DLGAP2: variants seen among roughly 807,000 people sequenced by gnomAD.
DLGAP2 encodes the protein DLG associated protein 2.
DLGAP2 carries 26 observed loss-of-function variants against 100.3 expected under a neutral mutation model. The observed-to-expected ratio is 0.26, with a 90% CI of 0.19 to 0.36. The LOEUF is 0.36. DLGAP2 is among the 10% of genes least tolerant of loss of function. The pLI is 1.00. For missense variants in DLGAP2, 1,858 were observed against 1,453.2 expected, an observed-to-expected ratio of 1.28 and a Z score of -4.53; for synonymous variants, 886 against 630.1, an observed-to-expected ratio of 1.41 and a Z score of -6.08.
chr8:1,242,214 G>A (rs1004952731), intron 2 of DLGAP2, among the ~76,000 whole-genome samples: 1 of 152,228 alleles, frequency 6.6e-6, no homozygotes, highest in Non-Finnish European at 1.5e-5. Context: ...TCTGGGAACT[G>A]AGGGCCTGAG....
chr8:1,499,218 A>G (rs1799637150), intron 3 of DLGAP2, among the ~76,000 whole-genome samples: 1 of 152,204 alleles, frequency 6.6e-6, no homozygotes, highest in Admixed American at 6.5e-5. Context: ...TGGCTTTGCT[A>G]AACTCCATGC....
intron 1 of DLGAP2, among the ~76,000 whole-genome samples, chr8:850,323 C>A (rs1159000631): frequency 1.3e-5 from 2 of 152,028 alleles, no homozygotes; most frequent in Admixed American, 6.5e-5. Flanking sequence ...ATTTTTTGAA[C>A]CTTCCACCTG....
chr8:906,674 G>C, intron 1 of DLGAP2, among the ~76,000 whole-genome samples: 1 of 152,260 alleles, frequency 6.6e-6, no homozygotes, highest in Admixed American at 6.5e-5. Flanking sequence ...GCCAGCACCT[G>C]ACCCCATGGT....
intron 2 of DLGAP2, among the ~76,000 whole-genome samples, chr8:1,076,293 G>A (rs1004829031): frequency 3.3e-5 from 5 of 152,212 alleles, no homozygotes; most frequent in African/African-American, 1.2e-4. Context: ...AGCCCCCGCC[G>A]GCTGTCCGCA....
chr8:1,245,332 A>G (rs1348377504), intron 2 of DLGAP2, among the ~76,000 whole-genome samples: 1 of 152,244 alleles, frequency 6.6e-6, no homozygotes, highest in Non-Finnish European at 1.5e-5. Context: ...AAAGATAGAA[A>G]CAACCCAGGT....
At chr8:1,321,374 C>T (rs1376316581) in intron 3 of DLGAP2, among the ~76,000 whole-genome samples, 3 of 149,822 alleles carry the variant, frequency 2.0e-5, no homozygotes, top group South Asian at 2.1e-4. Flanking sequence ...CATGTGCGTG[C>T]ATGTGTATCC....
At chr8:747,098 G>A (rs1820635204) in intron 1 of DLGAP2, among the ~76,000 whole-genome samples, 1 of 152,056 alleles carries the variant, frequency 6.6e-6, no homozygotes, top group African/African-American at 2.4e-5. Flanking sequence ...GTTCTCGGGG[G>A]GCTGGGGAGA....
At chr8:916,013 A>G (rs992798366) in intron 2 of DLGAP2, among the ~76,000 whole-genome samples, 4 of 150,174 alleles carry the variant, frequency 2.7e-5, no homozygotes, top group Non-Finnish European at 4.4e-5. Context: ...TGTGTTAACC[A>G]TGAGTCCTCC....
chr8:942,414 G>C (rs1799217619), intron 2 of DLGAP2, among the ~76,000 whole-genome samples: 1 of 152,240 alleles, frequency 6.6e-6, no homozygotes, highest in South Asian at 2.1e-4. Flanking sequence ...CTGGAGGAGA[G>C]AACAGAAAAC....
chr8:1,607,874 G>T (rs1796857603), intron 6 of DLGAP2, among the ~76,000 whole-genome samples: 1 of 150,432 alleles, frequency 6.6e-6, no homozygotes, highest in Non-Finnish European at 1.5e-5. Context: ...TCCCACACCT[G>T]GCTCGGAGGG....
intron 2 of DLGAP2, among the ~76,000 whole-genome samples, chr8:1,188,673 G>C (rs937630125): frequency 6.6e-6 from 1 of 152,098 alleles, no homozygotes. Flanking sequence ...CAGCACTCCG[G>C]GGGCAGGAAG....
At chr8:1,300,200 T>C (rs1185747765) in intron 3 of DLGAP2, 1 of 152,246 alleles carries the variant, frequency 6.6e-6, no homozygotes, top group Non-Finnish European at 1.5e-5. Flanking sequence ...AGCACCGTTA[T>C]ACGTGTGTGT....
chr8:1,383,631 A>G (rs993361170), intron 3 of DLGAP2, among the ~76,000 whole-genome samples: 3 of 152,184 alleles, frequency 2.0e-5, no homozygotes, highest in Non-Finnish European at 4.4e-5. Context: ...TCCCAATTCC[A>G]TGGTTCCCCT....
At chr8:1,604,984 C>G (rs931332440) in intron 6 of DLGAP2, among the ~76,000 whole-genome samples, 4 of 152,136 alleles carry the variant, frequency 2.6e-5, no homozygotes, top group Admixed American at 1.3e-4. Context: ...TGTGGTGTAA[C>G]AGGATAAAGA....
At position 973,380 on chromosome 8, in the gene DLGAP2, C is replaced by T. The variant is rs541037074; in HGVS notation, c.73+65414C>T. Among the ~76,000 whole-genome samples the T allele has an allele frequency of 3.1e-3, 467 of 152,128 alleles. 2 individuals carry two copies. Among genetic ancestry groups the T allele is most frequent in the African/African-American group, 0.011 (440 of 41,516 alleles). ...ACGGGGTGGCTGCCGGGCGGAGGGG[C>T]TCCTCACTTCTCAGACGGGGCGGCC... On this transcript the variant is annotated intron_variant, in intron 2 of 14. Coordinates refer to ENST00000637795, the MANE Select transcript of DLGAP2 (RefSeq NM_001346810.2).
chr8:865,158 C>T (rs1797470653), intron 1 of DLGAP2, among the ~76,000 whole-genome samples: 1 of 152,184 alleles, frequency 6.6e-6, no homozygotes, highest in Non-Finnish European at 1.5e-5. Flanking sequence ...CTCACCTGGC[C>T]CACCAGGACG....
intron 3 of DLGAP2, among the ~76,000 whole-genome samples, chr8:1,427,609 T>C (rs572260885): frequency 1.8e-4 from 28 of 152,288 alleles, no homozygotes; most frequent in South Asian, 8.3e-4. Context: ...TGGGAGGTGA[T>C]TGAATTTTGG....
intron 2 of DLGAP2, among the ~76,000 whole-genome samples, chr8:1,063,461 G>A (rs1293481789): frequency 4.0e-5 from 6 of 151,742 alleles, no homozygotes; most frequent in South Asian, 2.1e-4. Flanking sequence ...TCCACAAGAC[G>A]ATGGTCCAGT....
intron 3 of DLGAP2, among the ~76,000 whole-genome samples, chr8:1,317,898 C>G (rs560925564): frequency 5.2e-5 from 7 of 133,472 alleles, no homozygotes; most frequent in Admixed American, 1.5e-4. Flanking sequence ...CAGCGTCTCT[C>G]CAACAGTGGT....
Sources: allele counts gnomAD v4.1 joint callset (sites outside exome capture counted in the v4.1 genomes callset), GRCh38; gene constraint gnomAD v4.1.1; transcripts MANE v1.5; gene names NCBI Gene and HGNC (gene_info 2026-07-23, HGNC 2026-07-21).